Variants in GNAO1 observed in about 807,000 individuals in gnomAD.
The protein encoded by GNAO1 is G protein subunit alpha o1, also known as guanine nucleotide-binding protein G(o) subunit alpha.
For missense variants in GNAO1, 166 were observed against 478.7 expected, an observed-to-expected ratio of 0.35 and a Z score of 6.10; for synonymous variants, 164 against 180.7, an observed-to-expected ratio of 0.91 and a Z score of 0.74.
intron 6 of GNAO1, chr16:56,346,011 C>A (rs1210495774): frequency 4.1e-6 from 4 of 984,972 alleles, no homozygotes; most frequent in Non-Finnish European, 4.8e-6. Flanking sequence ...TCCAGGCCTT[C>A]CCTGTCCCTA....
chr16:56,302,926 C>T (rs1316659699), intron 3 of GNAO1: 12 of 152,152 alleles, frequency 7.9e-5, no homozygotes, highest in Admixed American at 6.5e-4. Context: ...TTTTTTCTGT[C>T]TATAAATAAT....
At chr16:56,220,498 A>C (rs2036474273) in intron 2 of GNAO1, among the ~76,000 whole-genome samples, 1 of 152,214 alleles carries the variant, frequency 6.6e-6, no homozygotes, top group East Asian at 1.9e-4. Flanking sequence ...CTTTTGGGTC[A>C]CAAACCCCTA....
chr16:56,218,120 A>G (rs1430084375), intron 2 of GNAO1, among the ~76,000 whole-genome samples: 7 of 152,252 alleles, frequency 4.6e-5, no homozygotes, highest in African/African-American at 1.7e-4. Context: ...ATAATTATGA[A>G]GCTGTGCCTA....
rs1246966437 is a variant in GNAO1 at position 56,266,830 on chromosome 16, GCC to G, written c.162-9098_162-9097del. Among the ~76,000 whole-genome samples, 6 of 152,242 alleles carry G rather than the reference GCC, an allele frequency of 3.9e-5. No individual in the cohort carries two copies. The East Asian group carries it at 5.8e-4, about 15-fold the overall frequency. Reference sequence around the variant, plus strand: ...TCAGTGAATAGGAGACTCAGGGTGTGCCCCACTCTTAACACGTGCTCAGTATA... The same window carrying G: ...TCAGTGAATAGGAGACTCAGGGTGTGCCACTCTTAACACGTGCTCAGTATA... On this transcript the variant is annotated intron_variant, in intron 2 of 8. Coordinates refer to ENST00000262493, the MANE Select transcript of GNAO1 (RefSeq NM_020988.3).
At chr16:56,246,492 A>C (rs1334772700) in intron 2 of GNAO1, among the ~76,000 whole-genome samples, 1 of 150,780 alleles carries the variant, frequency 6.6e-6, no homozygotes, top group East Asian at 1.9e-4. Flanking sequence ...GTACTTCTGG[A>C]TACTGGACGA....
At chr16:56,314,943 G>A (rs558684409) in intron 3 of GNAO1, among the ~76,000 whole-genome samples, 1 of 152,254 alleles carries the variant, frequency 6.6e-6, no homozygotes, top group East Asian at 1.9e-4. Context: ...GCCAGTCAGA[G>A]GCAGAGTGAC....
intron 6 of GNAO1, among the ~76,000 whole-genome samples, chr16:56,341,579 C>T (rs1187830579): frequency 2.6e-5 from 4 of 152,214 alleles, no homozygotes; most frequent in Non-Finnish European, 5.9e-5. Context: ...GTAACTCACA[C>T]GGGGCTGCTG....
At chr16:56,325,014 C>G (rs548122885) in intron 3 of GNAO1, among the ~76,000 whole-genome samples, 1 of 152,310 alleles carries the variant, frequency 6.6e-6, no homozygotes, top group Admixed American at 6.5e-5. Flanking sequence ...AGATGCTGAC[C>G]TCATTTTCTT....
At chr16:56,341,434 TG>T (rs1299453922) in intron 6 of GNAO1, among the ~76,000 whole-genome samples, 2 of 152,228 alleles carry the variant, frequency 1.3e-5, no homozygotes, top group Non-Finnish European at 2.9e-5. Context: ...GATGGGGTGA[TG>T]GCTGTGATTG....
At chr16:56,287,387 T>C (rs1462974779) in intron 3 of GNAO1, among the ~76,000 whole-genome samples, 1 of 152,236 alleles carries the variant, frequency 6.6e-6, no homozygotes, top group East Asian at 1.9e-4. Flanking sequence ...TGCCAGGCAG[T>C]GGACTTAGCA....
At chr16:56,271,399 A>T (rs1286719176) in intron 2 of GNAO1, among the ~76,000 whole-genome samples, 1 of 152,254 alleles carries the variant, frequency 6.6e-6, no homozygotes, top group Non-Finnish European at 1.5e-5. Flanking sequence ...TGCTTATCTT[A>T]TACTGCAAAT....
intron 2 of GNAO1, among the ~76,000 whole-genome samples, chr16:56,215,000 C>G (rs1430667345): frequency 2.0e-5 from 3 of 152,216 alleles, no homozygotes; most frequent in African/African-American, 7.2e-5. Flanking sequence ...GGAGGACATA[C>G]CATGGTGTAG....
chr16:56,353,892 C>T (rs542934599), intron 7 of GNAO1, among the ~76,000 whole-genome samples: 2 of 152,228 alleles, frequency 1.3e-5, no homozygotes, highest in Non-Finnish European at 2.9e-5. Context: ...TGCCCCTTGC[C>T]CCTTGTACAC....
At chr16:56,329,758 C>T (rs549538014) in intron 4 of GNAO1, among the ~76,000 whole-genome samples, 1 of 152,288 alleles carries the variant, frequency 6.6e-6, no homozygotes, top group Admixed American at 6.5e-5. Context: ...TGATCCAGTC[C>T]AGCCATTTTC....
chr16:56,227,184 G>A (rs2036539796), intron 2 of GNAO1, among the ~76,000 whole-genome samples: 1 of 152,134 alleles, frequency 6.6e-6, no homozygotes, highest in Non-Finnish European at 1.5e-5. Flanking sequence ...GAAGAAGAAA[G>A]AGAGAAATGT....
intron 2 of GNAO1, among the ~76,000 whole-genome samples, chr16:56,234,853 C>T (rs1405223725): frequency 6.6e-6 from 1 of 152,000 alleles, no homozygotes; most frequent in East Asian, 1.9e-4. Context: ...CCTCTGTCCC[C>T]CTGGTCATCT....
At chr16:56,220,390 G>A (rs889283264) in intron 2 of GNAO1, among the ~76,000 whole-genome samples, 1 of 152,190 alleles carries the variant, frequency 6.6e-6, no homozygotes, top group Non-Finnish European at 1.5e-5. Flanking sequence ...TCCCTGGTAA[G>A]TCCAGGCTTC....
chr16:56,229,361 C>T (rs1320963731), intron 2 of GNAO1, among the ~76,000 whole-genome samples: 2 of 152,146 alleles, frequency 1.3e-5, no homozygotes, highest in East Asian at 1.9e-4. Context: ...CACACCACCT[C>T]GCCTGACTAA....
chr16:56,325,733 T>G (rs1218642053), intron 3 of GNAO1, among the ~76,000 whole-genome samples: 1 of 151,936 alleles, frequency 6.6e-6, no homozygotes, highest in Non-Finnish European at 1.5e-5. Context: ...AGGGTCTCTG[T>G]GAGTGCAAGT....
Sources: allele counts gnomAD v4.1 joint callset (sites outside exome capture counted in the v4.1 genomes callset), GRCh38; gene constraint gnomAD v4.1.1; transcripts MANE v1.5; gene names NCBI Gene and HGNC (gene_info 2026-07-23, HGNC 2026-07-21).